SGCD: variants seen among roughly 807,000 people sequenced by gnomAD.
SGCD encodes the protein sarcoglycan delta, also known as delta-sarcoglycan.
A neutral mutation model predicts 36.6 loss-of-function variants in SGCD; 18 were observed. That is an observed-to-expected ratio of 0.49 (90% CI 0.34 to 0.73). The LOEUF is 0.73. Among genes scored for constraint, SGCD ranks in the 30% least tolerant of loss-of-function variants. The pLI is 0.01. For synonymous variants in SGCD, 133 were observed against 130.6 expected (o/e 1.02, Z -0.12); for missense variants, 387 against 346.7 (o/e 1.12, Z -0.92).
chr5:156,499,952 C>T (rs1392372212), intron 3 of SGCD, among the ~76,000 whole-genome samples: 1 of 152,144 alleles, frequency 6.6e-6, no homozygotes, highest in Non-Finnish European at 1.5e-5. Flanking sequence ...AAAATTAACC[C>T]TCCCTTGCCC....
At chr5:156,284,568 A>G (rs1339414867) in intron 3 of SGCD, among the ~76,000 whole-genome samples, 1 of 152,176 alleles carries the variant, frequency 6.6e-6, no homozygotes, top group Non-Finnish European at 1.5e-5. Flanking sequence ...CCAACGACAA[A>G]AACCATATCA....
chr5:156,399,343 C>T (rs1772023202), intron 3 of SGCD, among the ~76,000 whole-genome samples: 6 of 152,158 alleles, frequency 3.9e-5, no homozygotes, highest in Admixed American at 3.9e-4. Flanking sequence ...TCCATTATAG[C>T]AGCAATATTC....
At chr5:156,604,378 A>G (rs1410859105) in intron 6 of SGCD, among the ~76,000 whole-genome samples, 3 of 151,870 alleles carry the variant, frequency 2.0e-5, no homozygotes, top group Admixed American at 6.6e-5. Context: ...AATTTTATCC[A>G]TTTACATTCA....
intron 7 of SGCD, among the ~76,000 whole-genome samples, chr5:156,720,611 G>A (rs978037528): frequency 1.3e-5 from 2 of 152,172 alleles, no homozygotes; most frequent in African/African-American, 4.8e-5. Context: ...CCTGTCTGAG[G>A]TGGCTACCAC....
chr5:155,758,510 C>T, the SGCD span, among the ~76,000 whole-genome samples: 1 of 152,156 alleles, frequency 6.6e-6, no homozygotes, highest in Non-Finnish European at 1.5e-5. Context: ...TGGACTGGTA[C>T]CGGTCCATGG....
intron 2 of SGCD, 65 bp downstream of exon 2, chr5:156,329,644 A>G: frequency 6.9e-7 from 1 of 1,449,078 alleles, no homozygotes; most frequent in Non-Finnish European, 9.6e-7. Context: ...TTATTAACAT[A>G]AACTTTTGAA....
In SGCD at chr5:156,243,403, G is replaced by T. The variant is rs953086630; in HGVS notation, c.-43-86131G>T. Reference sequence around the variant, plus strand: ...TTACATTTGGGAAATTATCCAAGAAGTAAACACATTAAGGGTAAGAAGAAC... The same window carrying T: ...TTACATTTGGGAAATTATCCAAGAATTAAACACATTAAGGGTAAGAAGAAC... On this transcript the variant is annotated intron_variant, in intron 3 of 9. Coordinates refer to the SGCD transcript ENST00000517913. Among the ~76,000 whole-genome samples, 16 of 152,268 alleles carry T rather than the reference G, an allele frequency of 1.1e-4. No homozygotes were observed. In the East Asian group the frequency reaches 2.9e-3, roughly 28 times the overall value.
At chr5:156,178,387 C>A (rs6872617) in intron 3 of SGCD, among the ~76,000 whole-genome samples, 44,689 of 152,056 alleles carry the variant, frequency 0.29, 7,001 homozygotes, top group East Asian at 0.57. Flanking sequence ...GTTAATCATG[C>A]ATGCCAAATG....
chr5:156,398,669 A>G (rs1350767063), intron 3 of SGCD, among the ~76,000 whole-genome samples: 4 of 152,202 alleles, frequency 2.6e-5, no homozygotes, highest in Non-Finnish European at 5.9e-5. Context: ...CTCATGTAAT[A>G]TAAATGGAAA....
chr5:156,050,394 C>T (rs1759886421), intron 1 of SGCD, among the ~76,000 whole-genome samples: 1 of 146,572 alleles, frequency 6.8e-6, no homozygotes, highest in Admixed American at 6.8e-5. Flanking sequence ...ATAAAGGGTA[C>T]ATTTTTTATA....
intron 7 of SGCD, among the ~76,000 whole-genome samples, chr5:156,714,411 A>C (rs1025659787): frequency 1.3e-5 from 2 of 152,222 alleles, no homozygotes; most frequent in African/African-American, 4.8e-5. Flanking sequence ...ATAGAGAAAA[A>C]TATGTGTTAG....
chr5:156,254,100 A>T (rs1159400439), intron 3 of SGCD, among the ~76,000 whole-genome samples: 1 of 152,100 alleles, frequency 6.6e-6, no homozygotes, highest in African/African-American at 2.4e-5. Context: ...TCTAGTTCTT[A>T]TTTTAATGCC....
At chr5:156,163,592 A>G (rs1428564060) in intron 3 of SGCD, among the ~76,000 whole-genome samples, 2 of 151,600 alleles carry the variant, frequency 1.3e-5, no homozygotes, top group Non-Finnish European at 2.9e-5. Flanking sequence ...GTCCTGAGGT[A>G]GTACATTCCA....
the SGCD span, among the ~76,000 whole-genome samples, chr5:155,767,405 T>G: frequency 1.3e-5 from 2 of 152,212 alleles, no homozygotes; most frequent in Non-Finnish European, 2.9e-5. Context: ...CTTGTTAAAA[T>G]GAAGGACTGT....
chr5:156,629,855 CTTTTTTTT>C (rs560099325), intron 6 of SGCD, among the ~76,000 whole-genome samples: 5 of 85,624 alleles, frequency 5.8e-5, no homozygotes, highest in Non-Finnish European at 1.2e-4. Context: ...GAGACTTTTT[CTTTTTTTT>C]TTTTTTTTTT....
intron 4 of SGCD, among the ~76,000 whole-genome samples, chr5:156,565,820 G>A (rs1487192169): frequency 6.6e-6 from 1 of 152,064 alleles, no homozygotes; most frequent in Admixed American, 6.5e-5. Context: ...TTCTGTGTTA[G>A]CTTGCTGAGA....
chr5:156,619,765 C>G (rs1028201744), intron 6 of SGCD, among the ~76,000 whole-genome samples: 1 of 152,122 alleles, frequency 6.6e-6, no homozygotes, highest in African/African-American at 2.4e-5. Flanking sequence ...TAACTTTGTT[C>G]TCCTTTATTG....
chr5:156,553,726 G>A (rs1397200752), intron 4 of SGCD, among the ~76,000 whole-genome samples: 1 of 152,130 alleles, frequency 6.6e-6, no homozygotes, highest in East Asian at 1.9e-4. Flanking sequence ...CCTTCTGCAT[G>A]TGACTTCTTT....
In SGCD at chr5:156,375,055, C is replaced by T. The variant is rs76902439; in HGVS notation, c.192+30378C>T. Among the ~76,000 whole-genome samples, 749 of 152,116 alleles carry T rather than the reference C, an allele frequency of 4.9e-3. 8 individuals carry two copies. Among genetic ancestry groups the T allele is most frequent in the African/African-American group, 0.017 (715 of 41,504 alleles). The stretch of plus-strand genomic sequence containing the variant: ...AAAATTGCAAGAGTAGTAAAAGAAA[C>T]TTTTGAAGATCCTTTTCCAAGATTC... On this transcript the variant is annotated intron_variant, in intron 3 of 8. Transcript: ENST00000337851.
Sources: gnomAD v4.1 joint callset for allele counts (sites outside exome capture counted in the v4.1 genomes callset) on GRCh38, gnomAD v4.1.1 for gene constraint, MANE v1.5 for transcripts, NCBI Gene and HGNC (gene_info 2026-07-23, HGNC 2026-07-21) for gene names.